Variants in PLXND1 observed in about 807,000 individuals in gnomAD.
PLXND1 encodes plexin D1, also known as plexin-D1.
Under a neutral mutation model 197.7 loss-of-function variants are expected in PLXND1, and 54 were observed. The ratio of observed to expected loss-of-function variants is 0.27; its 90% CI spans 0.22 to 0.34. The LOEUF (loss-of-function observed/expected upper bound fraction) is 0.34, where lower values mean the gene tolerates loss of function less well. Ranked by LOEUF, PLXND1 falls within the 10% of genes least tolerant of loss-of-function variation. The pLI, the probability that PLXND1 is intolerant of heterozygous loss-of-function variation, is 1.00. For missense variants in PLXND1, 2,127 were observed against 2,699.2 expected (o/e 0.79, Z 4.70); for synonymous variants, 1,180 against 1,161.2 (o/e 1.02, Z -0.33).
In PLXND1 at chr3:129,605,536, G is replaced by T; in HGVS notation, c.1104C>A (p.Leu368=). ...CCTGGGGCCGCTCGAAGACAGCAAA[G>T]AGCCGCTCCCGGGCTGGGAAGACCG... The part of the protein sequence containing the change: ...LVSVFPARER[L]FAVFERPQGS... Residue 368 remains leucine, a synonymous_variant, in exon 1 of 36, where the codon CTC becomes CTA. Transcript: ENST00000324093. 6.6e-7 allele frequency: 1 copy of T among 1,526,440 alleles called. No individual in the cohort carries two copies. The allele number at this position is 1,526,440 out of a possible 1,614,324, so 94.6% of individuals were successfully genotyped here. A position where few individuals can be genotyped will look rare whatever the true frequency, so the allele number is the denominator to read the frequency against.
intron 1 of PLXND1, among the ~76,000 whole-genome samples, chr3:129,599,438 A>C (rs2108804541): frequency 6.6e-6 from 1 of 152,288 alleles, no homozygotes; most frequent in East Asian, 1.9e-4. Context: ...TCCTGCACTC[A>C]CCTAGCGATG....
chr3:129,566,660 C>A, intron 22 of PLXND1, 29 bp from the exon 23 acceptor site: 1 of 1,355,458 alleles, frequency 7.4e-7, no homozygotes, highest in Non-Finnish European at 1.0e-6. Flanking sequence ...AGCATCTCAG[C>A]GGGGCTGGAC....
At chr3:129,569,782 AG>A (rs2085196051) in intron 20 of PLXND1, 60 bp downstream of exon 20, 1 of 913,162 alleles carries the variant, frequency 1.1e-6, no homozygotes, top group African/African-American at 1.6e-5. Flanking sequence ...CAATCTTCAG[AG>A]GGGCTGGGGC....
rs1376527753 is a variant in PLXND1, at chr3:129,582,338, TCTGGGCG to T, written c.2241+1222_2241+1228del. On this transcript the variant is annotated intron_variant, in intron 8 of 35. Transcript: ENST00000324093. ...GCAAAAAGGCTGGGGCTGCAGAGGC[TCTGGGCG>T]CTGGGGCTGCTTCCCCGGGATGTGT... Among the ~76,000 whole-genome samples, 6 of 152,334 alleles carry T rather than the reference TCTGGGCG, an allele frequency of 3.9e-5. No homozygotes were observed. The East Asian group carries it at 1.2e-3, about 29-fold the overall frequency.
chr3:129,564,808 G>A (rs1375174567), intron 25 of PLXND1, among the ~76,000 whole-genome samples: 2 of 152,184 alleles, frequency 1.3e-5, no homozygotes, highest in Non-Finnish European at 1.5e-5. Flanking sequence ...TGCTGTACCC[G>A]ATGCCTGGAG....
intron 31 of PLXND1, 32 bp downstream of exon 31, chr3:129,560,298 C>T (rs1240159670): frequency 7.2e-7 from 1 of 1,384,368 alleles, no homozygotes; most frequent in East Asian, 2.3e-5. Flanking sequence ...CTTGTACCCA[C>T]TGCACAGAGG....
chr3:129,583,755 C>T, intron 7 of PLXND1, 86 bp from the exon 8 acceptor site: 1 of 860,986 alleles, frequency 1.2e-6, no homozygotes, highest in Admixed American at 2.2e-5. Flanking sequence ...AAAGGCAGAT[C>T]CCAGCACAGG....
At chr3:129,591,868 TAA>T (rs2085546892) in intron 1 of PLXND1, among the ~76,000 whole-genome samples, 1 of 152,132 alleles carries the variant, frequency 6.6e-6, no homozygotes, top group Admixed American at 6.5e-5. Flanking sequence ...TTTAAAAATG[TAA>T]AGCAGGTCTC....
rs1216096633 is a variant in PLXND1 at position 129,603,150 on chromosome 3, AGAG to A, written c.1311+2176_1311+2178del. On this transcript the variant is annotated intron_variant, in intron 1 of 35. Coordinates refer to ENST00000324093, the MANE Select transcript of PLXND1 (RefSeq NM_015103.3). Reference sequence around the variant, plus strand: ...CCTGTGCCCACAGCGGGCACGGCGAAGAGGAGAAGGGTGTGGAAAACACAGGGA... The same window carrying A: ...CCTGTGCCCACAGCGGGCACGGCGAAGAGAAGGGTGTGGAAAACACAGGGA... Among the ~76,000 whole-genome samples, 3 of 152,312 alleles carry A rather than the reference AGAG, an allele frequency of 2.0e-5. No homozygotes were observed. The East Asian group carries it at 5.8e-4, about 29-fold the overall frequency.
At chr3:129,569,608 G>A (rs1022732917) in intron 20 of PLXND1, 8 of 502,086 alleles carry the variant, frequency 1.6e-5, no homozygotes, top group African/African-American at 1.5e-4. Context: ...GAGATTCAGG[G>A]ACCTGGGCGT....
At chr3:129,581,904 C>T (rs564578787) in intron 8 of PLXND1, among the ~76,000 whole-genome samples, 1 of 152,366 alleles carries the variant, frequency 6.6e-6, no homozygotes, top group South Asian at 2.1e-4. Flanking sequence ...ATGCTTCCCA[C>T]CACCATAACC....
At chr3:129,572,328 CAGA>C (rs1446485504) in intron 15 of PLXND1, among the ~76,000 whole-genome samples, 1 of 152,258 alleles carries the variant, frequency 6.6e-6, no homozygotes, top group African/African-American at 2.4e-5. Context: ...CTGGGCCAGC[CAGA>C]AGATCTGTGT....
chr3:129,598,518 C>T (rs894433249), intron 1 of PLXND1, among the ~76,000 whole-genome samples: 9 of 152,216 alleles, frequency 5.9e-5, no homozygotes, highest in Admixed American at 2.6e-4. Context: ...TGGGTGGAGA[C>T]AGCTACAGGC....
chr3:129,570,774 C>T lies in PLXND1; in HGVS notation c.3750+12G>A, dbSNP rs199512879. The T allele has an allele frequency of 2.2e-5, 36 of 1,613,686 alleles. 1 individual carries two copies. In the East Asian group the frequency reaches 7.6e-4, roughly 34 times the overall value. On this transcript the variant is annotated intron_variant, in intron 19 of 35. Coordinates refer to ENST00000324093, the MANE Select transcript of PLXND1 (RefSeq NM_015103.3). ...GCCAGGTCTGCCCTGCTCCGGCGCC[C>T]CATCCACTCACTGTGATGGGCAGCT...
At chr3:129,560,912 G>T in intron 29 of PLXND1, 189 bp from the exon 30 acceptor site, 1 of 685,732 alleles carries the variant, frequency 1.5e-6, no homozygotes, top group Non-Finnish European at 2.7e-6. Context: ...CAGAGAGAAT[G>T]AGACAGAGAT....
At chr3:129,589,310 T>TGCCCCCCCCCCCCCCCCCC in intron 2 of PLXND1, 41 bp downstream of exon 2, 14 of 501,284 alleles carry the variant, frequency 2.8e-5, no homozygotes, top group East Asian at 5.1e-5. Flanking sequence ...CAGGGGAGCC[T>TGCCCCCCCCCCCCCCCCCC]CCCACCCCCA....
rs753618504 is a variant in PLXND1 at position 129,571,840 on chromosome 3, T to C, written c.3082A>G (p.Thr1028Ala). The C allele has an allele frequency of 1.9e-6, 3 of 1,610,370 alleles. No homozygotes were observed. The highest frequency in any genetic ancestry group is 2.5e-6 in the Non-Finnish European group (3 of 1,178,688). Residue 1028 changes from threonine (T) to alanine (A), a missense_variant, in exon 16 of 36, where the codon ACA becomes GCA. Transcript: ENST00000324093. ...DTDPCTELMR[T>A]DTSIACTMPE... ...ATGGTGCAGGCGATGCTGGTATCTGTGCGCCTGGGGGGAGCAGCAGGTTAT... is the reference window on the plus strand; with the variant it reads ...ATGGTGCAGGCGATGCTGGTATCTGCGCGCCTGGGGGGAGCAGCAGGTTAT...
chr3:129,585,407 G>A (rs58562619), intron 5 of PLXND1, among the ~76,000 whole-genome samples: 7,797 of 152,316 alleles, frequency 0.051, 289 homozygotes, highest in East Asian at 0.12. Context: ...CGCCAAGGCT[G>A]CCTGCCAGAG....
At chr3:129,573,437 G>T (rs2085265818) in intron 13 of PLXND1, among the ~76,000 whole-genome samples, 157 bp downstream of exon 13, 1 of 151,736 alleles carries the variant, frequency 6.6e-6, no homozygotes, top group Non-Finnish European at 1.5e-5. Context: ...CAGGATGTGT[G>T]GTGGGAATGG....
Sources: allele counts gnomAD v4.1 joint callset (sites outside exome capture counted in the v4.1 genomes callset), GRCh38; gene constraint gnomAD v4.1.1; transcripts MANE v1.5; gene names NCBI Gene and HGNC (gene_info 2026-07-23, HGNC 2026-07-21).